Variants in DACH1 observed in about 807,000 individuals in gnomAD.
DACH1 encodes the protein dachshund family transcription factor 1, also known as dachshund homolog 1.
A neutral mutation model predicts 54.2 loss-of-function variants in DACH1; 12 were observed. The ratio of observed to expected loss-of-function variants is 0.22; its 90% confidence interval spans 0.14 to 0.36. The LOEUF (loss-of-function observed/expected upper bound fraction) is 0.36. DACH1 is among the 10% of genes least tolerant of loss of function. The pLI, the probability that DACH1 is intolerant of heterozygous loss-of-function variation, is 1.00. For missense variants in DACH1, 805 were observed against 929.8 expected (o/e 0.87, Z 1.75); for synonymous variants, 386 against 366.2 (o/e 1.05, Z -0.62).
Position 71,644,936 on chromosome 13 carries a change from G to A in DACH1, c.965-14219C>T, listed in dbSNP as rs77198203. Among the ~76,000 whole-genome samples the A allele has an allele frequency of 6.0e-4, 91 of 152,176 alleles. 2 individuals carry two copies. In the East Asian group the frequency reaches 0.014, roughly 24 times the overall value. On this transcript the variant is annotated intron_variant, in intron 2 of 10. Coordinates refer to ENST00000613252, the MANE Select transcript of DACH1 (RefSeq NM_080759.6). ...TTCTGTATTTGCCAAGAATAGTAAAGGAGACTTCTGAGAAGAGACCATCTA... is the reference window on the plus strand; with the variant it reads ...TTCTGTATTTGCCAAGAATAGTAAAAGAGACTTCTGAGAAGAGACCATCTA...
At chr13:71,569,196 A>G (rs1885058853) in intron 4 of DACH1, among the ~76,000 whole-genome samples, 2 of 151,678 alleles carry the variant, frequency 1.3e-5, no homozygotes. Flanking sequence ...ACTTGGTTCT[A>G]TTGTGTTTGA....
chr13:71,502,300 C>A (rs1476935531), intron 6 of DACH1, among the ~76,000 whole-genome samples: 1 of 152,080 alleles, frequency 6.6e-6, no homozygotes, highest in African/African-American at 2.4e-5. Context: ...TGCTAAGATA[C>A]CTATCCCAGA....
chr13:71,445,356 A>G (rs1294606741), intron 10 of DACH1, among the ~76,000 whole-genome samples: 1 of 152,176 alleles, frequency 6.6e-6, no homozygotes. Context: ...ACTATATAAA[A>G]CACGTTTATA....
intron 1 of DACH1, among the ~76,000 whole-genome samples, chr13:71,723,798 C>T (rs781296430): frequency 3.3e-5 from 5 of 151,998 alleles, no homozygotes; most frequent in African/African-American, 7.3e-5. Flanking sequence ...TCTAGTGATC[C>T]GCCCACCTCA....
rs570082780 is a variant in DACH1 at position 71,755,438 on chromosome 13, T to C, written c.849-73528A>G. Reference sequence around the variant, plus strand: ...ACGAAACTGGTGTTAATTTTATTGCTCTGACCAAAGCTAGTTAAATCTCTT... The same window carrying C: ...ACGAAACTGGTGTTAATTTTATTGCCCTGACCAAAGCTAGTTAAATCTCTT... On this transcript the variant is annotated intron_variant, in intron 1 of 10. Coordinates refer to ENST00000613252, the MANE Select transcript of DACH1 (RefSeq NM_080759.6). Among the ~76,000 whole-genome samples the C allele has an allele frequency of 2.0e-5, 3 of 152,266 alleles. No individual in the cohort carries two copies. The East Asian group carries it at 5.8e-4, about 29-fold the overall frequency.
At chr13:71,454,987 CTGTT>C (rs1303761796) in intron 10 of DACH1, among the ~76,000 whole-genome samples, 2 of 152,194 alleles carry the variant, frequency 1.3e-5, no homozygotes, top group African/African-American at 4.8e-5. Flanking sequence ...GTTAGTACCT[CTGTT>C]TGCTTTCTTC....
chr13:71,635,644 C>T (rs777682869), intron 2 of DACH1, among the ~76,000 whole-genome samples: 4 of 152,074 alleles, frequency 2.6e-5, no homozygotes, highest in South Asian at 2.1e-4. Context: ...TTTGCCACAC[C>T]CTTTTCCTTC....
At chr13:71,499,957 C>T (rs1030892925) in intron 6 of DACH1, among the ~76,000 whole-genome samples, 1 of 151,904 alleles carries the variant, frequency 6.6e-6, no homozygotes, top group Non-Finnish European at 1.5e-5. Flanking sequence ...CATAAACATT[C>T]CACAGCTCTA....
At chr13:71,603,946 TG>T (rs1874695666) in intron 3 of DACH1, among the ~76,000 whole-genome samples, 1 of 151,910 alleles carries the variant, frequency 6.6e-6, no homozygotes, top group East Asian at 1.9e-4. Flanking sequence ...TTGATAATAT[TG>T]AAGTTTTCAT....
chr13:71,590,875 C>CTTTTTTTTTTTTT (rs71123234), intron 3 of DACH1, among the ~76,000 whole-genome samples: 9 of 85,128 alleles, frequency 1.1e-4, no homozygotes, highest in Middle Eastern at 0.013. Context: ...CTCTCTCTTT[C>CTTTTTTTTTTTTT]TTTTTTTTTT....
At chr13:71,708,431 T>C (rs938353015) in intron 1 of DACH1, among the ~76,000 whole-genome samples, 2 of 152,160 alleles carry the variant, frequency 1.3e-5, no homozygotes, top group Non-Finnish European at 2.9e-5. Flanking sequence ...TTTTTTCAAA[T>C]ACAGATCTGG....
At chr13:71,864,353 T>C (rs1376425700) in intron 1 of DACH1, among the ~76,000 whole-genome samples, 2 of 152,182 alleles carry the variant, frequency 1.3e-5, no homozygotes, top group Non-Finnish European at 2.9e-5. Context: ...CGAATCTTTT[T>C]CGTTTCACAG....
At chr13:71,619,557 T>A (rs945873429) in intron 3 of DACH1, among the ~76,000 whole-genome samples, 1 of 151,796 alleles carries the variant, frequency 6.6e-6, no homozygotes. Flanking sequence ...AACAGCAGAG[T>A]AAATGTAGAG....
chr13:71,596,168 T>C (rs1042148224), intron 3 of DACH1, among the ~76,000 whole-genome samples: 3 of 152,136 alleles, frequency 2.0e-5, no homozygotes, highest in African/African-American at 7.2e-5. Flanking sequence ...TGAACTTATT[T>C]CATACTTCAT....
At chr13:71,485,184 A>G (rs1169730336) in intron 7 of DACH1, among the ~76,000 whole-genome samples, 1 of 151,918 alleles carries the variant, frequency 6.6e-6, no homozygotes, top group Non-Finnish European at 1.5e-5. Flanking sequence ...CTTACATAAA[A>G]TCTCACAGGT....
At chr13:71,467,766 T>G (rs780522314) in intron 10 of DACH1, among the ~76,000 whole-genome samples, 4 of 152,138 alleles carry the variant, frequency 2.6e-5, no homozygotes, top group Non-Finnish European at 5.9e-5. Context: ...TTTATAGAAA[T>G]GCTGCCAAAC....
At position 71,864,879 on chromosome 13, in the gene DACH1, G is replaced by C. The variant is rs1874617671; in HGVS notation, c.848+1043C>G. 2.0e-5 allele frequency among the ~76,000 whole-genome samples: 3 copies of C among 152,198 alleles called. No individual in the cohort carries two copies. In the South Asian group the frequency reaches 6.2e-4, roughly 32 times the overall value. On this transcript the variant is annotated intron_variant, in intron 1 of 10. Transcript: ENST00000613252. Reference sequence around the variant, plus strand: ...GGGAAGCCAAGGCACAGAGTATCAGGGCCGCTGAGCATCCCAGTGCAAAGT... The same window carrying C: ...GGGAAGCCAAGGCACAGAGTATCAGCGCCGCTGAGCATCCCAGTGCAAAGT...
chr13:71,539,326 A>G (rs1369167097), intron 6 of DACH1, among the ~76,000 whole-genome samples: 1 of 152,056 alleles, frequency 6.6e-6, no homozygotes, highest in Non-Finnish European at 1.5e-5. Context: ...CCTCTTAACC[A>G]TAAAGTTCAG....
intron 1 of DACH1, among the ~76,000 whole-genome samples, chr13:71,863,695 A>C (rs1157727141): frequency 6.6e-6 from 1 of 152,040 alleles, no homozygotes; most frequent in Non-Finnish European, 1.5e-5. Flanking sequence ...ATCTAGGCAA[A>C]AATTCAGGGA....
Sources: gnomAD v4.1 joint callset for allele counts (sites outside exome capture counted in the v4.1 genomes callset) on GRCh38, gnomAD v4.1.1 for gene constraint, MANE v1.5 for transcripts, NCBI Gene and HGNC (gene_info 2026-07-23, HGNC 2026-07-21) for gene names.